BCAT2: variants seen among roughly 807,000 people sequenced by gnomAD.
BCAT2 encodes the protein branched chain amino acid transaminase 2.
In BCAT2, 44 loss-of-function variants were observed where a neutral mutation model predicts 52.9. That is an observed-to-expected ratio of 0.83 (90% confidence interval 0.65 to 1.07). The LOEUF (loss-of-function observed/expected upper bound fraction) is 1.07. Among genes scored for constraint, BCAT2 ranks in the 50% least tolerant of loss-of-function variants. The probability of loss-of-function intolerance (pLI) is 0.00; values close to 1 mark genes in which losing one functional copy is unlikely to be tolerated. For synonymous variants in BCAT2, 215 were observed against 217.1 expected (o/e 0.99, Z 0.08); for missense variants, 478 against 521.8 (o/e 0.92, Z 0.82).
At chr19:48,796,549 T>G (rs771693294) in intron 9 of BCAT2, 29 bp downstream of exon 9, 14 of 1,436,296 alleles carry the variant, frequency 9.7e-6, no homozygotes, top group Non-Finnish European at 1.3e-5. Flanking sequence ...CCTCCTTCCC[T>G]CCCACCCACA....
rs1451243861 is a variant in BCAT2 at position 48,800,056 on chromosome 19, G to T, written c.456C>A (p.Ile152=). 4.3e-6 allele frequency: 7 copies of T among 1,614,020 alleles called. No individual in the cohort carries two copies. The Admixed American group carries it at 1.2e-4, about 27-fold the overall frequency. ...LELLECIRRL[I]EVDKDWVPDA... is the part of the protein sequence containing the mutation. ...CGGGGACCCAGTCCTTGTCCACTTC[G>T]ATGAGCCGGCGGATGCACTCCAGCA... Residue 152 remains isoleucine, a synonymous_variant, in exon 5 of 11, where the codon ATC becomes ATA. Transcript: ENST00000316273.
At position 48,799,646 on chromosome 19, in the gene BCAT2, G is replaced by T; in HGVS notation, c.695+29C>A. 6.5e-7 allele frequency: 1 copy of T among 1,538,724 alleles called. No homozygotes were observed. Among genetic ancestry groups the T allele is most frequent in the Non-Finnish European group, 8.7e-7 (1 of 1,147,348 alleles). On this transcript the variant is annotated intron_variant, in intron 6 of 10. Coordinates refer to ENST00000316273, the MANE Select transcript of BCAT2 (RefSeq NM_001190.4). This position sits in a 1 kb window ranked among gnomAD's most constrained non-coding sequence, Gnocchi z 5.5. Reference sequence around the variant, plus strand: ...TGTGTCTCCAACGCCCAGTGCGCCAGTCGTTCTGGGGATGGGGGTGCTACT... The same window carrying T: ...TGTGTCTCCAACGCCCAGTGCGCCATTCGTTCTGGGGATGGGGGTGCTACT...
chr19:48,796,410 C>T lies in BCAT2; in HGVS notation c.1140+18G>A, dbSNP rs1599791459. On this transcript the variant is annotated intron_variant, in intron 10 of 10. Transcript: ENST00000316273. Reference sequence around the variant, plus strand: ...GGGAACAAGCTCCCAGCCCATTCCCCAGCTCCCTGCAGCTCACCTGGATCT... The same window carrying T: ...GGGAACAAGCTCCCAGCCCATTCCCTAGCTCCCTGCAGCTCACCTGGATCT... The T allele has an allele frequency of 1.2e-6, 2 of 1,614,142 alleles. No individual in the cohort carries two copies. Among genetic ancestry groups the T allele is most frequent in the Admixed American group, 1.7e-5 (1 of 60,004 alleles).
chr19:48,806,906 G>T, intron 2 of BCAT2, 94 bp downstream of exon 2: 1 of 1,466,122 alleles, frequency 6.8e-7, no homozygotes, highest in Non-Finnish European at 9.5e-7. Flanking sequence ...ACCACTCACT[G>T]CCATCTCTGG....
chr19:48,796,842 G>A (rs1037040834), intron 8 of BCAT2, 95 bp downstream of exon 8: 1 of 1,594,104 alleles, frequency 6.3e-7, no homozygotes, highest in African/African-American at 1.3e-5. Flanking sequence ...CCCAGGAGAA[G>A]GGGCAGAGAC....
Position 48,799,857 on chromosome 19 carries a change from C to T in BCAT2, c.532-19G>A. ...GCGAGGGCTGCGACGGGCAAAGGGACAGCGTCAGGAGTCCAGGCCCCCAGT... is the reference window on the plus strand; with the variant it reads ...GCGAGGGCTGCGACGGGCAAAGGGATAGCGTCAGGAGTCCAGGCCCCCAGT... On this transcript the variant is annotated intron_variant, in intron 5 of 10. Coordinates refer to ENST00000316273, the MANE Select transcript of BCAT2 (RefSeq NM_001190.4). This position sits in a 1 kb window ranked among gnomAD's most constrained non-coding sequence, Gnocchi z 5.5. 1.9e-6 allele frequency: 3 copies of T among 1,567,974 alleles called. 1 individual carries two copies. The highest frequency in any genetic ancestry group is 2.3e-5 in the South Asian group (2 of 86,220).
At chr19:48,803,507 T>G (rs2034699889) in intron 3 of BCAT2, among the ~76,000 whole-genome samples, 1 of 150,924 alleles carries the variant, frequency 6.6e-6, no homozygotes, top group Non-Finnish European at 1.5e-5. Flanking sequence ...CAGCCTGGGC[T>G]ACAGAGCAAG....
Position 48,800,363 on chromosome 19 carries a change from A to G in BCAT2, c.301-66T>C, listed in dbSNP as rs370900518. ...AGACAGTCATGAGAGACACCAAGAC[A>G]GACAGAGACAGATACACAAAGACAC... On this transcript the variant is annotated intron_variant, in intron 3 of 10. Transcript: ENST00000316273. 6 of 1,371,364 alleles carry G rather than the reference A, an allele frequency of 4.4e-6. No homozygotes were observed. The African/African-American group carries it at 8.5e-5, about 20-fold the overall frequency. 84.9% of individuals were successfully genotyped at this position (1,371,364 alleles called of 1,614,324 possible).
chr19:48,797,859 GAGGCTA>G (rs1186058811), intron 6 of BCAT2, among the ~76,000 whole-genome samples: 2 of 129,560 alleles, frequency 1.5e-5, no homozygotes, highest in Non-Finnish European at 3.3e-5. Flanking sequence ...CGCCCAGGCT[GAGGCTA>G]GAGTGCAGTG....
At chr19:48,809,227 C>T (rs1423952305) in intron 1 of BCAT2, among the ~76,000 whole-genome samples, 4 of 151,996 alleles carry the variant, frequency 2.6e-5, no homozygotes, top group Admixed American at 2.0e-4. Context: ...GATCGTGCCA[C>T]GGCACTCCAG....
In BCAT2 at chr19:48,806,568, G is replaced by C. The variant is rs760073453; in HGVS notation, c.249C>G (p.Phe83Leu). ...AGGCTGGGTGCAGCGTGAGGTTCTG[G>C]AAGGGCTGGATTCGGGGCTGGCCCC... ...KGWGQPRIQP[F>L]QNLTLHPASS... is the part of the protein sequence containing the mutation. The change falls in exon 3 of 11, where the codon TTC becomes TTG. Residue 83 changes from phenylalanine to leucine, a missense_variant. Transcript: ENST00000316273. The C allele has an allele frequency of 6.2e-7, 1 of 1,614,158 alleles. No individual in the cohort carries two copies. Among genetic ancestry groups the C allele is most frequent in the Non-Finnish European group, 8.5e-7 (1 of 1,180,028 alleles).
At chr19:48,809,716 ATT>A (rs1366617739) in intron 1 of BCAT2, among the ~76,000 whole-genome samples, 1 of 151,370 alleles carries the variant, frequency 6.6e-6, no homozygotes, top group Admixed American at 6.6e-5. Flanking sequence ...TATAACCAGC[ATT>A]GTCTCTGCCA....
chr19:48,797,560 T>TC (rs1452535627), intron 6 of BCAT2: 1 of 560,798 alleles, frequency 1.8e-6, no homozygotes, highest in East Asian at 3.2e-5. Context: ...TTTCTTTTCT[T>TC]TTTTTTTTAA....
Position 48,796,733 on chromosome 19 carries a change from G to T in BCAT2, c.925-15C>A. Reference sequence around the variant, plus strand: ...CGGAACTCACCCTGCAGGGCAGTTGGCAGAGACACGTGTCCCCAGAGGGTT... The same window carrying T: ...CGGAACTCACCCTGCAGGGCAGTTGTCAGAGACACGTGTCCCCAGAGGGTT... On this transcript the variant is annotated splice_polypyrimidine_tract_variant and intron_variant, in intron 8 of 10. Coordinates refer to ENST00000316273, the MANE Select transcript of BCAT2 (RefSeq NM_001190.4). 6.2e-7 allele frequency: 1 copy of T among 1,606,408 alleles called. No individual in the cohort carries two copies.
chr19:48,796,771 A>T, intron 8 of BCAT2, 53 bp from the exon 9 acceptor site: 1 of 1,592,182 alleles, frequency 6.3e-7, no homozygotes, highest in Non-Finnish European at 8.5e-7. Context: ...CCTGCTGCAG[A>T]CCTCCACCTC....
At position 48,807,114 on chromosome 19, in the gene BCAT2, A is replaced by G; in HGVS notation, c.25-40T>C. On this transcript the variant is annotated intron_variant, in intron 1 of 10. Coordinates refer to ENST00000316273, the MANE Select transcript of BCAT2 (RefSeq NM_001190.4). This position sits in a 1 kb window ranked among gnomAD's most constrained non-coding sequence, Gnocchi z 4.6. ...AAGTGAGAGAGGGGGTGAGTGGGGC[A>G]CAGCAGGGGCCCTGGCAGCTCGCTC... is the stretch of plus-strand genomic sequence containing the variant. The G allele has an allele frequency of 6.4e-7, 1 of 1,558,558 alleles. No homozygotes were observed. The highest frequency in any genetic ancestry group is 8.8e-7 in the Non-Finnish European group (1 of 1,136,898).
In BCAT2 at chr19:48,807,058, AG is replaced by A; in HGVS notation, c.40del (p.Leu14PhefsTer28). The A allele has an allele frequency of 6.2e-7, 1 of 1,613,946 alleles. No homozygotes were observed. Among genetic ancestry groups the A allele is most frequent in the Non-Finnish European group, 8.5e-7 (1 of 1,179,906 alleles). ...ACACAGAAGCCAAGGGACAGAGAGA[AG>A]CTTTCGTGCCCAGATCTGGGTGGAG... Reference protein sequence around the residue: ...AALGQIWARKLLSVPWLLCGP... With the variant: ...AALGQIWARKXLSVPWLLCGP... On this transcript the variant is annotated frameshift_variant, in exon 2 of 11. Transcript: ENST00000316273. LOFTEE classifies it high-confidence loss of function. This position sits in a 1 kb window ranked among gnomAD's most constrained non-coding sequence, Gnocchi z 4.6.
chr19:48,798,762 C>G (rs2034588602), intron 6 of BCAT2: 1 of 151,604 alleles, frequency 6.6e-6, no homozygotes, highest in African/African-American at 2.4e-5. Flanking sequence ...GTAGCTGCGA[C>G]TACAGGCGCC....
intron 3 of BCAT2, among the ~76,000 whole-genome samples, chr19:48,804,901 T>C (rs188206238): frequency 3.6e-4 from 54 of 152,022 alleles, no homozygotes; most frequent in East Asian, 3.5e-3. Context: ...CTGGCTGTGA[T>C]TGGAGGTGTG....
Sources: allele counts gnomAD v4.1 joint callset (sites outside exome capture counted in the v4.1 genomes callset), GRCh38; gene constraint gnomAD v4.1.1; non-coding constraint Gnocchi (gnomAD v3.1); transcripts MANE v1.5; gene names NCBI Gene and HGNC (gene_info 2026-07-23, HGNC 2026-07-21).